The following DDX50 variants were observed in gnomAD, a reference collection of about 807,000 sequenced individuals.
The protein encoded by DDX50 is ATP-dependent RNA helicase DDX50.
Under a neutral mutation model 94.8 loss-of-function variants are expected in DDX50, and 56 were observed. The ratio of observed to expected loss-of-function variants is 0.59; its 90% CI spans 0.48 to 0.74. DDX50 has a LOEUF of 0.74. Ranked by LOEUF, DDX50 falls within the 30% of genes least tolerant of loss-of-function variation. The pLI, the probability that DDX50 is intolerant of heterozygous loss-of-function variation, is 0.00. For synonymous variants in DDX50, 264 were observed against 295.4 expected, an observed-to-expected ratio of 0.89 and a Z score of 1.09; for missense variants, 713 against 881.2, an observed-to-expected ratio of 0.81 and a Z score of 2.42.
intron 7 of DDX50, among the ~76,000 whole-genome samples, chr10:68,918,746 A>C (rs1841869373): frequency 6.6e-6 from 1 of 151,882 alleles, no homozygotes; most frequent in South Asian, 2.1e-4. Flanking sequence ...TCCTTTCTTT[A>C]TCCGCTGTCA....
intron 1 of DDX50, among the ~76,000 whole-genome samples, chr10:68,904,373 G>A (rs927125007): frequency 1.3e-5 from 2 of 152,132 alleles, no homozygotes; most frequent in African/African-American, 4.8e-5. Context: ...TGGTTCGGAC[G>A]TGTTGAGATA....
chr10:68,935,033 A>G, intron 10 of DDX50, 115 bp downstream of exon 10: 1 of 1,332,766 alleles, frequency 7.5e-7, no homozygotes. Context: ...TTTAAGCTGC[A>G]TTTGGCTGTG....
intron 7 of DDX50, 64 bp downstream of exon 7, chr10:68,914,268 G>A: frequency 6.3e-7 from 1 of 1,582,842 alleles, no homozygotes. Flanking sequence ...GACATTTGTT[G>A]AAGCTAAATT....
rs1157178909 is a variant in DDX50 at position 68,908,637 on chromosome 10, C to CTTT, written c.384+1649_385-1649dup. Reference sequence around the variant, plus strand: ...TTTCCTCTGTAGTTTTTAAAATTTCCTTTTTTTTTTTTTTTTTTTTTGAGA... The same window carrying CTTT: ...TTTCCTCTGTAGTTTTTAAAATTTCCTTTTTTTTTTTTTTTTTTTTTTTTGAGA... On this transcript the variant is annotated intron_variant, in intron 2 of 14. Transcript: ENST00000373585. Among the ~76,000 whole-genome samples the CTTT allele has an allele frequency of 1.7e-3, 158 of 95,752 alleles. 2 individuals carry two copies. The highest frequency in any genetic ancestry group is 2.6e-3 in the Non-Finnish European group (125 of 48,910). 62.8% of individuals were successfully genotyped at this position (95,752 alleles called of 152,430 possible).
chr10:68,910,009 G>A (rs1200510461), intron 2 of DDX50, among the ~76,000 whole-genome samples: 1 of 152,110 alleles, frequency 6.6e-6, no homozygotes, highest in Admixed American at 6.5e-5. Flanking sequence ...TGGATAACAT[G>A]GTGAGACCCT....
At position 68,913,150 on chromosome 10, in the gene DDX50, C is replaced by T; in HGVS notation, c.640-12C>T. The stretch of plus-strand genomic sequence containing the variant: ...GAAAAGTATCTTTTTGTTTTTTAAA[C>T]CTCTTGCTCAGGTACTTGTTTTGGC... On this transcript the variant is annotated splice_polypyrimidine_tract_variant and intron_variant, in intron 4 of 14. Coordinates refer to ENST00000373585, the MANE Select transcript of DDX50 (RefSeq NM_024045.2). 1 of 1,577,788 alleles carries T rather than the reference C, an allele frequency of 6.3e-7. No homozygotes were observed. The highest frequency in any genetic ancestry group is 8.6e-7 in the Non-Finnish European group (1 of 1,169,056).
At chr10:68,929,626 A>G (rs1842197102) in intron 8 of DDX50, among the ~76,000 whole-genome samples, 1 of 150,530 alleles carries the variant, frequency 6.6e-6, no homozygotes, top group African/African-American at 2.4e-5. Context: ...AGGTTTCACC[A>G]TTTTGGCCAG....
chr10:68,928,483 C>T (rs765936850), intron 8 of DDX50, among the ~76,000 whole-genome samples: 1 of 152,066 alleles, frequency 6.6e-6, no homozygotes, highest in African/African-American at 2.4e-5. Context: ...CCAGCCTGGG[C>T]AACATAGTGA....
chr10:68,916,292 T>TG (rs1208319316), intron 7 of DDX50, among the ~76,000 whole-genome samples: 1 of 146,180 alleles, frequency 6.8e-6, no homozygotes, highest in African/African-American at 2.6e-5. Flanking sequence ...AGGTGATAGT[T>TG]GCGGTGAGCT....
intron 1 of DDX50, among the ~76,000 whole-genome samples, chr10:68,902,767 A>G (rs1167000958): frequency 6.6e-6 from 1 of 152,186 alleles, no homozygotes; most frequent in Non-Finnish European, 1.5e-5. Context: ...TTGCATCCCA[A>G]TCCTGTCCAG....
intron 12 of DDX50, among the ~76,000 whole-genome samples, chr10:68,937,841 C>T (rs1173821369): frequency 2.0e-5 from 3 of 152,156 alleles, no homozygotes; most frequent in Non-Finnish European, 4.4e-5. Context: ...CCTCCTCAGC[C>T]TCCCAAAGTG....
At chr10:68,922,540 A>G (rs561526030) in intron 8 of DDX50, among the ~76,000 whole-genome samples, 1 of 152,156 alleles carries the variant, frequency 6.6e-6, no homozygotes, top group South Asian at 2.1e-4. Flanking sequence ...CACACCTGTA[A>G]TCTCAGCACT....
Position 68,946,568 on chromosome 10 carries a change from A to G in DDX50, c.2152A>G (p.Arg718Gly), listed in dbSNP as rs771666279. 6.2e-7 allele frequency: 1 copy of G among 1,614,250 alleles called. No individual in the cohort carries two copies. The highest frequency in any genetic ancestry group is 8.5e-7 in the Non-Finnish European group (1 of 1,180,048). Residue 718 changes from arginine (R) to glycine (G), a missense_variant, in exon 15 of 15, where the codon AGA (arginine) becomes GGA (glycine). Coordinates refer to ENST00000373585, the MANE Select transcript of DDX50 (RefSeq NM_024045.2). The part of the protein sequence containing the change: ...GSRSGSRQDG[R>G]RRSGNRNRSR... Reference sequence around the variant, plus strand: ...TCGCTCAGGAAGTCGACAAGATGGTAGAAGACGAAGTGGGAATAGAAATCG... The same window carrying G: ...TCGCTCAGGAAGTCGACAAGATGGTGGAAGACGAAGTGGGAATAGAAATCG...
At chr10:68,929,716 G>A (rs1005648290) in intron 8 of DDX50, among the ~76,000 whole-genome samples, 2 of 147,554 alleles carry the variant, frequency 1.4e-5, no homozygotes, top group East Asian at 2.0e-4. Context: ...GAGCCACTGC[G>A]CCTGGCCTCT....
chr10:68,946,741 A>G lies in DDX50; in HGVS notation c.*111A>G. 7.3e-7 allele frequency: 1 copy of G among 1,370,546 alleles called. No individual in the cohort carries two copies. Among genetic ancestry groups the G allele is most frequent in the Non-Finnish European group, 9.9e-7 (1 of 1,015,120 alleles). 84.9% of individuals were successfully genotyped at this position (1,370,546 alleles called of 1,614,324 possible). On this transcript the variant is annotated 3_prime_UTR_variant, in exon 15 of 15. Coordinates refer to ENST00000373585, the MANE Select transcript of DDX50 (RefSeq NM_024045.2). ...TTGAGGTATGTGTCTGCTATTTGCAAAGAAGTTGGTCGTATTTTTTTAAAA... is the reference window on the plus strand; with the variant it reads ...TTGAGGTATGTGTCTGCTATTTGCAGAGAAGTTGGTCGTATTTTTTTAAAA...
At position 68,919,135 on chromosome 10, in the gene DDX50, G is replaced by A. The variant is rs551261744; in HGVS notation, c.1090-697G>A. 1.1e-4 allele frequency among the ~76,000 whole-genome samples: 17 copies of A among 152,218 alleles called. 1 individual carries two copies. Among genetic ancestry groups the A allele is most frequent in the Admixed American group, 3.3e-4 (5 of 15,286 alleles). ...TGTAAGTACACTCTTTGATGTTTGC[G>A]TAATGATGAAGCTGCCTAACAATAC... On this transcript the variant is annotated intron_variant, in intron 7 of 14. Coordinates refer to ENST00000373585, the MANE Select transcript of DDX50 (RefSeq NM_024045.2).
chr10:68,932,069 A>G (rs1224935025), intron 8 of DDX50, among the ~76,000 whole-genome samples: 2 of 152,196 alleles, frequency 1.3e-5, no homozygotes, highest in African/African-American at 4.8e-5. Context: ...CTCTGAACCT[A>G]TACCTGTGAT....
At chr10:68,926,723 A>AAATG (rs1052920845) in intron 8 of DDX50, among the ~76,000 whole-genome samples, 2 of 151,576 alleles carry the variant, frequency 1.3e-5, no homozygotes, top group Admixed American at 1.3e-4. Flanking sequence ...CCCACTCTCT[A>AAATG]AATGAATGAA....
At chr10:68,932,139 T>C (rs575548390) in intron 8 of DDX50, among the ~76,000 whole-genome samples, 122 of 152,360 alleles carry the variant, frequency 8.0e-4, no homozygotes, top group African/African-American at 2.4e-3. Context: ...GCCATTTCTT[T>C]ATGAATGTTC....
Sources: gnomAD v4.1 joint callset for allele counts (sites outside exome capture counted in the v4.1 genomes callset) on GRCh38, gnomAD v4.1.1 for gene constraint, MANE v1.5 for transcripts, NCBI Gene and HGNC (gene_info 2026-07-23, HGNC 2026-07-21) for gene names.